ATF7IP: variants seen among roughly 807,000 people sequenced by gnomAD.
ATF7IP encodes activating transcription factor 7-interacting protein 1.
ATF7IP carries 23 observed loss-of-function variants against 106.4 expected under a neutral mutation model. That is an observed-to-expected ratio of 0.22 (90% confidence interval 0.16 to 0.31). The LOEUF (loss-of-function observed/expected upper bound fraction) is 0.31, where lower values mean the gene tolerates loss of function less well. ATF7IP is among the 10% of genes least tolerant of loss of function. The pLI is 1.00. For missense variants in ATF7IP, 1,334 were observed against 1,524.3 expected, an observed-to-expected ratio of 0.88 and a Z score of 2.08; for synonymous variants, 542 against 539.0, an observed-to-expected ratio of 1.01 and a Z score of -0.08.
At position 14,438,192 on chromosome 12, in the gene ATF7IP, T is replaced by C. The variant is rs1942504229; in HGVS notation, c.1854T>C (p.Thr618=). The C allele has an allele frequency of 1.9e-6, 3 of 1,613,258 alleles. No homozygotes were observed. Among genetic ancestry groups the C allele is most frequent in the African/African-American group, 1.3e-5 (1 of 74,910 alleles). The part of the protein sequence containing the change: ...CALQCAVFDK[T]LAELKTRVEK... ...TGCAGTGTGCTGTATTTGATAAGAC[T>C]TTGGCAGAATTGAAAACACGAGTGG... The change falls in exon 5 of 15, where the codon ACT becomes ACC. Residue 618 remains threonine (T), a synonymous_variant. Transcript: ENST00000261168.
intron 8 of ATF7IP, 122 bp downstream of exon 8, chr12:14,457,417 A>G: frequency 1.4e-6 from 1 of 710,264 alleles, no homozygotes; most frequent in Non-Finnish European, 2.3e-6. Context: ...TCTAAGTACA[A>G]AAATTTTGTT....
intron 13 of ATF7IP, among the ~76,000 whole-genome samples, chr12:14,491,520 T>C (rs1944825163): frequency 6.6e-6 from 1 of 152,154 alleles, no homozygotes; most frequent in South Asian, 2.1e-4. Context: ...GCTCACTTGA[T>C]CAATCAGAAT....
intron 1 of ATF7IP, among the ~76,000 whole-genome samples, chr12:14,397,737 T>C (rs899266285): frequency 3.3e-5 from 5 of 152,156 alleles, no homozygotes; most frequent in Admixed American, 3.3e-4. Flanking sequence ...TATCTTTTAT[T>C]TTTTCCTGAC....
chr12:14,434,480 A>G (rs894166797), intron 3 of ATF7IP, 57 bp downstream of exon 3: 38 of 1,086,170 alleles, frequency 3.5e-5, no homozygotes, highest in Admixed American at 5.8e-5. Flanking sequence ...CACTGTTTCT[A>G]TATTTACAAC....
intron 11 of ATF7IP, among the ~76,000 whole-genome samples, chr12:14,477,414 A>C (rs963250503): frequency 1.3e-5 from 2 of 152,188 alleles, no homozygotes; most frequent in African/African-American, 4.8e-5. Context: ...TGCTTTCACT[A>C]ATTTTTAATA....
chr12:14,422,887 A>G (rs1306549262), intron 1 of ATF7IP, among the ~76,000 whole-genome samples: 2 of 152,100 alleles, frequency 1.3e-5, no homozygotes, highest in Non-Finnish European at 2.9e-5. Flanking sequence ...GTGTGGACAT[A>G]TGTTTTCATT....
Position 14,459,096 on chromosome 12 carries a change from A to G in ATF7IP, c.2159-1399A>G, listed in dbSNP as rs565984682. ...AGTTTTGCTTTAAAACCCAAATGTT[A>G]TTATTGCTGATAAATACAGTTGGGC... is the stretch of plus-strand genomic sequence containing the variant. On this transcript the variant is annotated intron_variant, in intron 8 of 14. Coordinates refer to ENST00000261168, the MANE Select transcript of ATF7IP (RefSeq NM_018179.5). Among the ~76,000 whole-genome samples the G allele has an allele frequency of 5.3e-4, 81 of 152,276 alleles. No homozygotes were observed. The South Asian group carries it at 0.016, about 29-fold the overall frequency.
chr12:14,495,891 G>T (rs767020534), intron 13 of ATF7IP, among the ~76,000 whole-genome samples: 4 of 152,086 alleles, frequency 2.6e-5, no homozygotes, highest in Non-Finnish European at 5.9e-5. Context: ...TCCTGGTAAC[G>T]ATCCATTTAT....
chr12:14,388,415 C>G (rs541524209), intron 1 of ATF7IP, among the ~76,000 whole-genome samples: 2 of 150,278 alleles, frequency 1.3e-5, no homozygotes, highest in African/African-American at 4.9e-5. Context: ...GGTGAAATCT[C>G]AGCTCACTGC....
At chr12:14,445,256 T>C (rs1942900522) in intron 5 of ATF7IP, among the ~76,000 whole-genome samples, 1 of 152,100 alleles carries the variant, frequency 6.6e-6, no homozygotes, top group African/African-American at 2.4e-5. Context: ...CCCAAAGTAT[T>C]GGGATTACAG....
chr12:14,397,905 C>CA (rs1412424673), intron 1 of ATF7IP, among the ~76,000 whole-genome samples: 1 of 152,072 alleles, frequency 6.6e-6, no homozygotes, highest in East Asian at 1.9e-4. Context: ...TTTAACTTTG[C>CA]ATTAGCATTT....
At chr12:14,421,101 A>G (rs1941483268) in intron 1 of ATF7IP, among the ~76,000 whole-genome samples, 1 of 152,220 alleles carries the variant, frequency 6.6e-6, no homozygotes, top group Non-Finnish European at 1.5e-5. Flanking sequence ...TACAGGAAAC[A>G]TCCTTGTTTT....
intron 1 of ATF7IP, among the ~76,000 whole-genome samples, chr12:14,368,141 A>G (rs998271325): frequency 6.6e-6 from 1 of 152,110 alleles, no homozygotes; most frequent in Admixed American, 6.5e-5. Flanking sequence ...ATTATAGAAC[A>G]TTTGGAAAAT....
rs1287433218 is a variant in ATF7IP, at chr12:14,501,706, G to A, written c.*3633G>A. The A allele has an allele frequency of 6.6e-6, 1 of 152,116 alleles. No individual in the cohort carries two copies. The highest frequency in any genetic ancestry group is 1.5e-5 in the Non-Finnish European group (1 of 68,020). The allele number at this position is 152,116 out of a possible 1,614,324, so 9.4% of individuals were successfully genotyped here. ...GGTGTTCCCCACTCCCATCCCCATT[G>A]CCAGATAATAAATATTTTGAGAAAA... On this transcript the variant is annotated 3_prime_UTR_variant, in exon 15 of 15. Transcript: ENST00000261168.
At chr12:14,384,587 A>G (rs2136417521) in intron 1 of ATF7IP, among the ~76,000 whole-genome samples, 1 of 152,328 alleles carries the variant, frequency 6.6e-6, no homozygotes, top group South Asian at 2.1e-4. Context: ...GTTTGTGACC[A>G]TCTGTACTAC....
intron 8 of ATF7IP, among the ~76,000 whole-genome samples, chr12:14,460,028 C>T (rs906441973): frequency 6.2e-4 from 95 of 152,212 alleles, no homozygotes; most frequent in South Asian, 2.5e-3. Context: ...TAATAAAATA[C>T]GATGAGTAAG....
rs3213765 is a variant in ATF7IP at position 14,434,678 on chromosome 12, G to T, written c.1645+255G>T. Among the ~76,000 whole-genome samples, 1,009 of 152,254 alleles carry T rather than the reference G, an allele frequency of 6.6e-3. 43 individuals are homozygous for T. The East Asian group carries it at 0.12, about 18-fold the overall frequency. On this transcript the variant is annotated intron_variant, in intron 3 of 14. Coordinates refer to ENST00000261168, the MANE Select transcript of ATF7IP (RefSeq NM_018179.5). ...TTAGCTTAAAATTTACTAAGTTACTGAGTGTTTTGAGATAAATTGTTTTAG... is the reference window on the plus strand; with the variant it reads ...TTAGCTTAAAATTTACTAAGTTACTTAGTGTTTTGAGATAAATTGTTTTAG...
At chr12:14,429,870 A>C (rs1362891981) in intron 2 of ATF7IP, among the ~76,000 whole-genome samples, 2 of 152,196 alleles carry the variant, frequency 1.3e-5, no homozygotes, top group Non-Finnish European at 2.9e-5. Flanking sequence ...CCAAAGATGA[A>C]GTAGATTTTG....
chr12:14,440,490 A>G (rs575402529), intron 5 of ATF7IP, among the ~76,000 whole-genome samples: 6 of 152,266 alleles, frequency 3.9e-5, no homozygotes, highest in African/African-American at 1.4e-4. Context: ...ACAGGGTACT[A>G]TTAATGTTTA....
Sources: allele counts gnomAD v4.1 joint callset (sites outside exome capture counted in the v4.1 genomes callset), GRCh38; gene constraint gnomAD v4.1.1; transcripts MANE v1.5; gene names NCBI Gene and HGNC (gene_info 2026-07-23, HGNC 2026-07-21).